The following MTREX variants were observed in gnomAD, a reference collection of about 807,000 sequenced individuals.
The protein encoded by MTREX is exosome RNA helicase MTR4.
In MTREX, 76 loss-of-function variants were observed where a neutral mutation model predicts 135.4. The ratio of observed to expected loss-of-function variants is 0.56; its 90% CI spans 0.47 to 0.68. The LOEUF (loss-of-function observed/expected upper bound fraction) is 0.68, where lower values mean the gene tolerates loss of function less well. MTREX is among the 30% of genes least tolerant of loss of function. MTREX has a pLI of 0.00. For missense variants in MTREX, 920 were observed against 1,262.1 expected (o/e 0.73, Z 4.11); for synonymous variants, 404 against 401.6 (o/e 1.01, Z -0.07).
At chr5:55,399,762 C>G (rs1279544485) in intron 20 of MTREX, among the ~76,000 whole-genome samples, 2 of 152,172 alleles carry the variant, frequency 1.3e-5, no homozygotes, top group Non-Finnish European at 2.9e-5. Context: ...GCTGGGATTA[C>G]AGGCGTGAGC....
chr5:55,402,489 A>T (rs1358818807), intron 21 of MTREX, among the ~76,000 whole-genome samples: 2 of 152,194 alleles, frequency 1.3e-5, no homozygotes, highest in Non-Finnish European at 2.9e-5. Flanking sequence ...TGAAGGCATT[A>T]TCTGAGCTGC....
intron 19 of MTREX, among the ~76,000 whole-genome samples, chr5:55,391,284 T>G (rs1417582595): frequency 6.6e-6 from 1 of 151,712 alleles, no homozygotes; most frequent in African/African-American, 2.4e-5. Flanking sequence ...TGTACAAAAA[T>G]AAATAAATAA....
intron 1 of MTREX, among the ~76,000 whole-genome samples, chr5:55,311,167 A>G (rs986609216): frequency 3.9e-5 from 6 of 152,236 alleles, no homozygotes; most frequent in Non-Finnish European, 7.3e-5. Flanking sequence ...TCATGTACTC[A>G]TAACTCAGCT....
intron 5 of MTREX, among the ~76,000 whole-genome samples, chr5:55,336,074 T>C (rs1463414748): frequency 6.6e-6 from 1 of 152,202 alleles, no homozygotes; most frequent in Non-Finnish European, 1.5e-5. Context: ...TGAAATACAG[T>C]TGATTTTTAT....
intron 1 of MTREX, among the ~76,000 whole-genome samples, chr5:55,317,979 CAAAAG>C (rs1183800782): frequency 2.0e-5 from 3 of 152,108 alleles, no homozygotes; most frequent in Non-Finnish European, 2.9e-5. Context: ...AGACATTTCT[CAAAAG>C]AAGACATACA....
At chr5:55,394,382 T>A (rs1322417582) in intron 19 of MTREX, among the ~76,000 whole-genome samples, 1 of 152,190 alleles carries the variant, frequency 6.6e-6, no homozygotes, top group Non-Finnish European at 1.5e-5. Flanking sequence ...GTTTCTAAAA[T>A]GAATTAGACC....
Position 55,359,536 on chromosome 5 carries a change from G to A in MTREX, c.1659+838G>A, listed in dbSNP as rs1749975396. On this transcript the variant is annotated intron_variant, in intron 15 of 26. Transcript: ENST00000230640. ...ATGTTGAAGCAAAATTGATGAAGGT[G>A]TGTATATCTTTATATGTCTTTACAT... is the stretch of plus-strand genomic sequence containing the variant. Among the ~76,000 whole-genome samples the A allele has an allele frequency of 2.1e-5, 3 of 145,872 alleles. No homozygotes were observed. In the South Asian group the frequency reaches 6.5e-4, roughly 32 times the overall value.
chr5:55,355,955 G>C (rs1351581807), intron 14 of MTREX, among the ~76,000 whole-genome samples: 1 of 152,262 alleles, frequency 6.6e-6, no homozygotes, highest in Non-Finnish European at 1.5e-5. Flanking sequence ...GCCCCGACTT[G>C]TTCTGGGGAA....
intron 16 of MTREX, 90 bp from the exon 17 acceptor site, chr5:55,378,224 C>T: frequency 7.1e-7 from 1 of 1,406,898 alleles, no homozygotes; most frequent in Non-Finnish European, 9.4e-7. Context: ...ACTACACTTG[C>T]ACCAACCTAA....
chr5:55,409,328 A>G (rs915991762), intron 22 of MTREX, among the ~76,000 whole-genome samples: 14 of 152,204 alleles, frequency 9.2e-5, no homozygotes, highest in Non-Finnish European at 1.6e-4. Flanking sequence ...TGTAACGTCT[A>G]TGATAAGAAC....
chr5:55,381,163 TAA>T (rs1750391176), intron 18 of MTREX, among the ~76,000 whole-genome samples: 1 of 152,180 alleles, frequency 6.6e-6, no homozygotes, highest in Non-Finnish European at 1.5e-5. Context: ...TTCTTCTGGG[TAA>T]AGTTTGTCAA....
chr5:55,387,885 C>G, intron 18 of MTREX, 89 bp from the exon 19 acceptor site: 1 of 1,272,218 alleles, frequency 7.9e-7, no homozygotes, highest in Non-Finnish European at 1.1e-6. Context: ...ATGCTAAATG[C>G]TGAGAAAATA....
Position 55,308,082 on chromosome 5 carries a change from CAAAAAAGACAAG to C in MTREX, c.70_81del (p.Lys24_Lys27del), listed in dbSNP as rs1561179973. 5 of 1,612,912 alleles carry C rather than the reference CAAAAAAGACAAG, an allele frequency of 3.1e-6. No homozygotes were observed. Among genetic ancestry groups the C allele is most frequent in the Non-Finnish European group, 3.4e-6 (4 of 1,179,654 alleles). ...GCGACTCGACCACTGCGGCGGGAACCAAAAAAGACAAGGAAAAGGACAAGGGGAAATGGAAGG... is the reference window on the plus strand; with the variant it reads ...GCGACTCGACCACTGCGGCGGGAACCGAAAAGGACAAGGGGAAATGGAAGG... On this transcript the variant is annotated inframe_deletion, in exon 1 of 27. Transcript: ENST00000230640.
chr5:55,331,921 TG>T (rs1262735157), intron 5 of MTREX, among the ~76,000 whole-genome samples: 5 of 152,208 alleles, frequency 3.3e-5, no homozygotes, highest in African/African-American at 1.2e-4. Flanking sequence ...TTCAGGTGGG[TG>T]GGTAAAGCCA....
intron 4 of MTREX, among the ~76,000 whole-genome samples, 194 bp from the exon 5 acceptor site, chr5:55,328,505 G>A (rs1749418532): frequency 6.6e-6 from 1 of 152,088 alleles, no homozygotes; most frequent in African/African-American, 2.4e-5. Context: ...AGCAGAATTA[G>A]CTTCTATGTT....
In MTREX at chr5:55,324,147, G is replaced by A. The variant is rs763800614; in HGVS notation, c.288G>A (p.Met96Ile). Residue 96 changes from methionine (M) to isoleucine (I), a missense_variant, in exon 3 of 27, where the codon ATG becomes ATA. Transcript: ENST00000230640. ...TCTTTTTAAGTTTGGCAGACCTGAT[G>A]CCCAGAGTCAAGGTACAATCAGTTG... The part of the protein sequence containing the change: ...ITEDLSLADL[M>I]PRVKVQSVET... The A allele has an allele frequency of 3.7e-6, 6 of 1,610,984 alleles. No homozygotes were observed. Among genetic ancestry groups the A allele is most frequent in the Non-Finnish European group, 5.1e-6 (6 of 1,178,336 alleles).
chr5:55,318,967 C>A (rs1049966286), intron 1 of MTREX, among the ~76,000 whole-genome samples: 1 of 151,678 alleles, frequency 6.6e-6, no homozygotes, highest in African/African-American at 2.4e-5. Context: ...CACCAAAATT[C>A]TTGTACATCT....
At chr5:55,410,486 A>AG in intron 22 of MTREX, 38 bp from the exon 23 acceptor site, 1 of 917,380 alleles carries the variant, frequency 1.1e-6, no homozygotes, top group Non-Finnish European at 1.7e-6. Context: ...GTGTGTCTTT[A>AG]TATTCTGACA....
Position 55,345,194 on chromosome 5 carries a change from A to C in MTREX, c.1106A>C (p.Lys369Thr), listed in dbSNP as rs1467653870. The change falls in exon 10 of 27, where the codon AAA (lysine) becomes ACA (threonine). Residue 369 changes from lysine (K) to threonine (T), a missense_variant and splice_region_variant. Transcript: ENST00000230640. ...GDQKGRKGGT[K>T]GPSNVFKIVK... Reference sequence around the variant, plus strand: ...CAGAAAGGGCGGAAAGGAGGAACAAAAGGTAATTTGGAACTTTGCTTTGAG... The same window carrying C: ...CAGAAAGGGCGGAAAGGAGGAACAACAGGTAATTTGGAACTTTGCTTTGAG... 5 of 1,598,958 alleles carry C rather than the reference A, an allele frequency of 3.1e-6. No individual in the cohort carries two copies. Among genetic ancestry groups the C allele is most frequent in the Non-Finnish European group, 4.3e-6 (5 of 1,167,332 alleles).
Sources: allele counts gnomAD v4.1 joint callset (sites outside exome capture counted in the v4.1 genomes callset), GRCh38; gene constraint gnomAD v4.1.1; transcripts MANE v1.5; gene names NCBI Gene and HGNC (gene_info 2026-07-23, HGNC 2026-07-21).